Variants in SDE2 observed in about 807,000 individuals in gnomAD.
The protein encoded by SDE2 is splicing regulator SDE2.
In SDE2, 31 loss-of-function variants were observed where a neutral mutation model predicts 46.9. The observed-to-expected ratio is 0.66, with a 90% CI of 0.50 to 0.89. The LOEUF (loss-of-function observed/expected upper bound fraction) is 0.89, where lower values mean the gene tolerates loss of function less well. SDE2 is among the 40% of genes least tolerant of loss of function. The pLI, the probability that SDE2 is intolerant of heterozygous loss-of-function variation, is 0.00. For synonymous variants in SDE2, 205 were observed against 204.3 expected (o/e 1.00, Z -0.03); for missense variants, 542 against 564.4 (o/e 0.96, Z 0.40).
In SDE2 at chr1:225,992,479, G is replaced by A; in HGVS notation, c.439C>T (p.Pro147Ser). ...LERLQRKLVE[P>S]KHCFTSPDYQ... ...TCGGGGCTGGTGAAGCAGTGCTTGG[G>A]TTCTACAAGCTTCCGCTGCAGTCGC... The change falls in exon 4 of 7, where the codon CCC (proline) becomes TCC (serine). Residue 147 changes from proline to serine, a missense_variant. Pro to Ser is a moderately conservative substitution (Grantham distance 74, BLOSUM62 -1). This residue lies in a region of SDE2 where 401 missense variants were observed against 437.8 expected (regional missense o/e 0.92). Transcript: ENST00000272091. 1 of 1,612,858 alleles carries A rather than the reference G, an allele frequency of 6.2e-7. No homozygotes were observed. Among genetic ancestry groups the A allele is most frequent in the Non-Finnish European group, 8.5e-7 (1 of 1,179,270 alleles).
In SDE2 at chr1:225,997,565, G is replaced by T. The variant is rs185465624; in HGVS notation, c.120+1628C>A. Among the ~76,000 whole-genome samples, 646 of 152,156 alleles carry T rather than the reference G, an allele frequency of 4.2e-3. 1 individual carries two copies. The highest frequency in any genetic ancestry group is 7.0e-3 in the Non-Finnish European group (478 of 68,006). ...CTGCTTCAGCCTCCTGGGTAGCTGGGATTACAGGCGTCTGCCGCCACGCCT... is the reference window on the plus strand; with the variant it reads ...CTGCTTCAGCCTCCTGGGTAGCTGGTATTACAGGCGTCTGCCGCCACGCCT... On this transcript the variant is annotated intron_variant, in intron 1 of 6. Transcript: ENST00000272091.
At chr1:225,997,841 T>C (rs1196911222) in intron 1 of SDE2, among the ~76,000 whole-genome samples, 2 of 152,210 alleles carry the variant, frequency 1.3e-5, no homozygotes, top group Non-Finnish European at 2.9e-5. Context: ...TTGAAAACTG[T>C]ACTCATAGGC....
In SDE2 at chr1:225,983,789, TAAG is replaced by T. The variant is rs1656210429; in HGVS notation, c.*1510_*1512del. The T allele has an allele frequency of 1.3e-5, 2 of 151,952 alleles. No individual in the cohort carries two copies. The highest frequency in any genetic ancestry group is 4.8e-5 in the African/African-American group (2 of 41,346). 9.4% of individuals were successfully genotyped at this position (151,952 alleles called of 1,614,324 possible). On this transcript the variant is annotated 3_prime_UTR_variant, in exon 7 of 7. Coordinates refer to ENST00000272091, the MANE Select transcript of SDE2 (RefSeq NM_152608.4). ...GTCATAAAACGAGTCTCAATAAAAC[TAAG>T]AGGATTGAAATCATAAAGAGGATAT...
chr1:225,984,359 T>C lies in SDE2; in HGVS notation c.*943A>G, dbSNP rs1055655188. ...AAGAAAATGTATAGCTTTAAATATG[T>C]ATTTTAAATAACGTCTAAGATCAAT... On this transcript the variant is annotated 3_prime_UTR_variant, in exon 7 of 7. Coordinates refer to ENST00000272091, the MANE Select transcript of SDE2 (RefSeq NM_152608.4). 2.0e-5 allele frequency: 3 copies of C among 152,162 alleles called. No homozygotes were observed. The highest frequency in any genetic ancestry group is 2.9e-5 in the Non-Finnish European group (2 of 68,030). The allele number at this position is 152,162 out of a possible 1,614,324, so 9.4% of individuals were successfully genotyped here.
At chr1:225,995,023 G>A (rs1656490451) in intron 2 of SDE2, among the ~76,000 whole-genome samples, 1 of 152,038 alleles carries the variant, frequency 6.6e-6, no homozygotes, top group South Asian at 2.1e-4. Context: ...CAGCCTGGGC[G>A]ACAAAACAAG....
Position 225,987,915 on chromosome 1 carries a change from T to C in SDE2, c.1115A>G (p.Glu372Gly). ...RENVAVAKLQ[E>G]SQPGNAVIDK... ...ACTTACTGCGTTTCCTGGCTGGCTT[T>C]CCTGCAGTTTGGCAACGGCAACGTT... The change falls in exon 6 of 7, where the codon GAA (glutamate) becomes GGA (glycine). Residue 372 changes from glutamate (E) to glycine (G), a missense_variant. By Grantham distance (98) the Glu-to-Gly change is moderately conservative. This residue lies in a region of SDE2 where 401 missense variants were observed against 437.8 expected (regional missense o/e 0.92). Transcript: ENST00000272091. 3.1e-6 allele frequency: 5 copies of C among 1,612,406 alleles called. No individual in the cohort carries two copies. Among genetic ancestry groups the C allele is most frequent in the Non-Finnish European group, 4.2e-6 (5 of 1,179,524 alleles).
intron 3 of SDE2, 77 bp from the exon 4 acceptor site, chr1:225,992,644 G>C: frequency 2.1e-6 from 2 of 955,704 alleles, no homozygotes; most frequent in Non-Finnish European, 1.6e-6. Context: ...TGTCTCTGAC[G>C]AATTAATGCA....
intron 5 of SDE2, among the ~76,000 whole-genome samples, chr1:225,990,031 C>T (rs375368116): frequency 1.2e-4 from 18 of 150,800 alleles, no homozygotes; most frequent in African/African-American, 4.4e-4. Flanking sequence ...GCCGAGATCG[C>T]GCCACTGCAC....
chr1:225,992,326 G>T (rs964841244), intron 4 of SDE2, 72 bp downstream of exon 4: 23 of 1,041,168 alleles, frequency 2.2e-5, no homozygotes. Flanking sequence ...CTCTTTGTGC[G>T]TAGTGTAGAG....
Position 225,992,562 on chromosome 1 carries a change from G to C in SDE2, c.356C>G (p.Ala119Gly). The C allele has an allele frequency of 6.2e-7, 1 of 1,602,378 alleles. No homozygotes were observed. The highest frequency in any genetic ancestry group is 1.3e-5 in the African/African-American group (1 of 74,916). The stretch of plus-strand genomic sequence containing the variant: ...CTCGGCTTGTTGTTTTACCCATTCA[G>C]CCATTCTGGGGATGAGGGAGGAAGA... ...LRDVNHEKAM[A>G]EWVKQQAERE... Residue 119 changes from alanine to glycine, a missense_variant, in exon 4 of 7, where the codon GCT becomes GGT. Physicochemically the swap from Ala to Gly is moderately conservative, Grantham distance 60 (BLOSUM62 0). Around this residue, in one of 3 missense-constraint regions of SDE2, gnomAD observed 401 missense variants for 437.8 expected, o/e 0.92. Coordinates refer to ENST00000272091, the MANE Select transcript of SDE2 (RefSeq NM_152608.4).
chr1:225,989,824 C>T lies in SDE2; in HGVS notation c.641+1419G>A, dbSNP rs372377123. Among the ~76,000 whole-genome samples, 144 of 151,964 alleles carry T rather than the reference C, an allele frequency of 9.5e-4. 1 individual carries two copies. In the Middle Eastern group the frequency reaches 0.014, roughly 14 times the overall value. ...GACGCGGTGGCTCACGCCTATAATC[C>T]CAGCACTTTGCGAGGCTGAGGCGCG... On this transcript the variant is annotated intron_variant, in intron 5 of 6. Transcript: ENST00000272091.
rs558321843 is a variant in SDE2 at position 225,988,416 on chromosome 1, A to C, written c.642-28T>G. On this transcript the variant is annotated intron_variant, in intron 5 of 6. Coordinates refer to ENST00000272091, the MANE Select transcript of SDE2 (RefSeq NM_152608.4). ...GTCAGAAGCAACAGAAAGGTTTAAC[A>C]GCGTTTGTAGCTTCTATTTAAAGCA... 2.5e-6 allele frequency: 4 copies of C among 1,607,856 alleles called. No individual in the cohort carries two copies. The South Asian group carries it at 4.4e-5, about 18-fold the overall frequency.
At position 225,993,013 on chromosome 1, in the gene SDE2, G is replaced by A. The variant is rs564756897; in HGVS notation, c.239-11C>T. 3 of 1,493,216 alleles carry A rather than the reference G, an allele frequency of 2.0e-6. No homozygotes were observed. The highest frequency in any genetic ancestry group is 1.1e-5 in the South Asian group (1 of 87,292). 92.5% of individuals were successfully genotyped at this position (1,493,216 alleles called of 1,614,324 possible). A position where few individuals can be genotyped will look rare whatever the true frequency, so the allele number is the denominator to read the frequency against. ...GCATAGATCCAAAACCTGAGCAGAT[G>A]TATTTGGAGAAAGCAGGTTAAAATG... is the stretch of plus-strand genomic sequence containing the variant. On this transcript the variant is annotated splice_polypyrimidine_tract_variant and intron_variant, in intron 2 of 6. Coordinates refer to ENST00000272091, the MANE Select transcript of SDE2 (RefSeq NM_152608.4).
chr1:225,986,597 T>A (rs773912303), intron 6 of SDE2, among the ~76,000 whole-genome samples: 14 of 152,228 alleles, frequency 9.2e-5, no homozygotes, highest in Non-Finnish European at 1.6e-4. Flanking sequence ...AGAATCACAC[T>A]TGGTTGTTAG....
chr1:225,991,377 T>A lies in SDE2; in HGVS notation c.521-14A>T. ...CAGCCTGCATACCTAACCAGAAATT[T>A]TAACAACTCAGTTTCTACTATAGGG... is the stretch of plus-strand genomic sequence containing the variant. On this transcript the variant is annotated splice_polypyrimidine_tract_variant and intron_variant, in intron 4 of 6. Coordinates refer to ENST00000272091, the MANE Select transcript of SDE2 (RefSeq NM_152608.4). 6.2e-7 allele frequency: 1 copy of A among 1,610,172 alleles called. No individual in the cohort carries two copies. Among genetic ancestry groups the A allele is most frequent in the Non-Finnish European group, 8.5e-7 (1 of 1,176,946 alleles).
chr1:225,986,442 T>C (rs1558083013), intron 6 of SDE2, among the ~76,000 whole-genome samples: 2 of 152,316 alleles, frequency 1.3e-5, no homozygotes, highest in South Asian at 4.1e-4. Flanking sequence ...CTTTCACAGT[T>C]TTAAAATATT....
Position 225,988,361 on chromosome 1 carries a change from T to C in SDE2, c.669A>G (p.Ala223=). 6.2e-7 allele frequency: 1 copy of C among 1,614,192 alleles called. No individual in the cohort carries two copies. Among genetic ancestry groups the C allele is most frequent in the Non-Finnish European group, 8.5e-7 (1 of 1,179,992 alleles). Residue 223 remains alanine, a synonymous_variant, in exon 6 of 7, where the codon GCA becomes GCG. Coordinates refer to ENST00000272091, the MANE Select transcript of SDE2 (RefSeq NM_152608.4). ...CTGAACTCTCAGAGTTGGACCCTTCTGCAGTCTCTAGTCCCTCCATGCCCA... is the reference window on the plus strand; with the variant it reads ...CTGAACTCTCAGAGTTGGACCCTTCCGCAGTCTCTAGTCCCTCCATGCCCA... ...FWLGMEGLET[A]EGSNSESSDD... is the part of the protein sequence containing the mutation.
chr1:225,998,833 T>C (rs1362070743), intron 1 of SDE2, among the ~76,000 whole-genome samples: 1 of 152,116 alleles, frequency 6.6e-6, no homozygotes, highest in Non-Finnish European at 1.5e-5. Context: ...ACACGTCACA[T>C]AACCATAGTA....
chr1:225,990,355 G>C (rs1208141985), intron 5 of SDE2, among the ~76,000 whole-genome samples: 1 of 152,242 alleles, frequency 6.6e-6, no homozygotes, highest in East Asian at 1.9e-4. Flanking sequence ...TATCACACTG[G>C]TGACCAATGG....
Sources: gnomAD v4.1 joint callset for allele counts (sites outside exome capture counted in the v4.1 genomes callset) on GRCh38, gnomAD v4.1.1 for gene constraint, gnomAD v4.1.1 regional missense constraint, MANE v1.5 for transcripts, NCBI Gene and HGNC (gene_info 2026-07-23, HGNC 2026-07-21) for gene names.